The following CAB39L variants were observed in gnomAD, a reference collection of about 807,000 sequenced individuals.
CAB39L encodes the protein calcium-binding protein 39-like.
A neutral mutation model predicts 39.1 loss-of-function variants in CAB39L; 23 were observed. The observed-to-expected ratio is 0.59, with a 90% CI of 0.42 to 0.83. The LOEUF is 0.83. Ranked by LOEUF, CAB39L falls within the 40% of genes least tolerant of loss-of-function variation. The pLI, the probability that CAB39L is intolerant of heterozygous loss-of-function variation, is 0.00. For synonymous variants in CAB39L, 126 were observed against 137.2 expected (o/e 0.92, Z 0.57); for missense variants, 366 against 391.9 (o/e 0.93, Z 0.56).
chr13:49,430,455 G>A (rs1957304278), intron 3 of CAB39L, among the ~76,000 whole-genome samples: 1 of 152,180 alleles, frequency 6.6e-6, no homozygotes, highest in Non-Finnish European at 1.5e-5. Context: ...GAAGACAAAT[G>A]GGTCATTCAG....
At chr13:49,434,950 C>T (rs1401691938) in intron 1 of CAB39L, among the ~76,000 whole-genome samples, 1 of 152,102 alleles carries the variant, frequency 6.6e-6, no homozygotes. Context: ...TTTAATCCCA[C>T]TTTTGAATAT....
intron 7 of CAB39L, among the ~76,000 whole-genome samples, chr13:49,345,323 AT>A (rs993891667): frequency 6.6e-6 from 1 of 152,222 alleles, no homozygotes; most frequent in African/African-American, 2.4e-5. Flanking sequence ...TATTTAAAGC[AT>A]TGTGTACTAT....
In CAB39L at chr13:49,427,632, T is replaced by C. The variant is rs1274831075; in HGVS notation, c.-32+5686A>G. Among the ~76,000 whole-genome samples the C allele has an allele frequency of 4.6e-5, 7 of 152,122 alleles. 1 individual carries two copies. In the South Asian group the frequency reaches 1.2e-3, roughly 27 times the overall value. The stretch of plus-strand genomic sequence containing the variant: ...TTAGCCCAGGAGGTCAAGTCTGCAG[T>C]GAGCTGTGATAGCATCACTGCACTC... On this transcript the variant is annotated intron_variant, in intron 3 of 10. Transcript: ENST00000409308.
chr13:49,411,185 G>T (rs1306865757), intron 3 of CAB39L, among the ~76,000 whole-genome samples: 1 of 152,022 alleles, frequency 6.6e-6, no homozygotes, highest in Non-Finnish European at 1.5e-5. Context: ...GAGGCTGGTG[G>T]ATTGCTTGAG....
At chr13:49,411,024 T>C (rs1353857843) in intron 3 of CAB39L, among the ~76,000 whole-genome samples, 3 of 152,230 alleles carry the variant, frequency 2.0e-5, no homozygotes, top group African/African-American at 7.2e-5. Flanking sequence ...CTGTTCTAGC[T>C]GTACTCATTC....
chr13:49,352,703 T>C lies in CAB39L; in HGVS notation c.396-1791A>G, dbSNP rs958491291. On this transcript the variant is annotated intron_variant, in intron 6 of 10. Coordinates refer to ENST00000409308, the MANE Select transcript of CAB39L (RefSeq NM_001079670.3). Reference sequence around the variant, plus strand: ...CTACTCAGGAGGCTGAGGTGGGAGATTGCTTGACCCTGGAAAGTTAAGCGA... The same window carrying C: ...CTACTCAGGAGGCTGAGGTGGGAGACTGCTTGACCCTGGAAAGTTAAGCGA... Among the ~76,000 whole-genome samples, 6 of 152,034 alleles carry C rather than the reference T, an allele frequency of 3.9e-5. No individual in the cohort carries two copies. The South Asian group carries it at 6.2e-4, about 16-fold the overall frequency.
At chr13:49,363,458 C>T (rs1344490703) in intron 5 of CAB39L, among the ~76,000 whole-genome samples, 6 of 151,740 alleles carry the variant, frequency 4.0e-5, no homozygotes, top group South Asian at 2.1e-4. Context: ...AGATGGTATA[C>T]GCATGCCTCA....
chr13:49,436,300 T>C (rs1957412245), intron 1 of CAB39L, among the ~76,000 whole-genome samples: 1 of 152,250 alleles, frequency 6.6e-6, no homozygotes, highest in Non-Finnish European at 1.5e-5. Context: ...AACATGTAGA[T>C]TGGAGTCATC....
intron 3 of CAB39L, among the ~76,000 whole-genome samples, chr13:49,429,422 C>A (rs1021587476): frequency 2.0e-5 from 3 of 152,184 alleles, no homozygotes; most frequent in Admixed American, 6.5e-5. Flanking sequence ...AACACTAATA[C>A]TACAGTAATT....
intron 5 of CAB39L, among the ~76,000 whole-genome samples, chr13:49,373,780 G>C (rs1258781731): frequency 6.6e-6 from 1 of 150,476 alleles, no homozygotes; most frequent in African/African-American, 2.5e-5. Context: ...GGCTGTCCCA[G>C]TGCAAGCCAT....
intron 5 of CAB39L, among the ~76,000 whole-genome samples, chr13:49,370,471 C>G (rs1039918558): frequency 6.6e-6 from 1 of 152,162 alleles, no homozygotes; most frequent in South Asian, 2.1e-4. Flanking sequence ...CACTGGGGTT[C>G]TGTCTCAGTT....
chr13:49,330,111 T>A lies in CAB39L; in HGVS notation c.834+1836A>T, dbSNP rs1482221489. Among the ~76,000 whole-genome samples the A allele has an allele frequency of 4.6e-5, 7 of 152,308 alleles. No homozygotes were observed. In the South Asian group the frequency reaches 1.5e-3, roughly 32 times the overall value. On this transcript the variant is annotated intron_variant, in intron 10 of 10. Transcript: ENST00000409308. ...AGACGATGCCAGCCTGCTTTCCACCTGGACTGGGACCCAAGACAGCTACCA... is the reference window on the plus strand; with the variant it reads ...AGACGATGCCAGCCTGCTTTCCACCAGGACTGGGACCCAAGACAGCTACCA...
chr13:49,431,817 T>C (rs1957330216), intron 3 of CAB39L, among the ~76,000 whole-genome samples: 1 of 152,146 alleles, frequency 6.6e-6, no homozygotes, highest in Admixed American at 6.5e-5. Flanking sequence ...TATGTCCATA[T>C]AAAAACTTAT....
chr13:49,425,744 T>C (rs546973584), intron 3 of CAB39L, among the ~76,000 whole-genome samples: 1 of 152,282 alleles, frequency 6.6e-6, no homozygotes, highest in Admixed American at 6.5e-5. Context: ...GCAAAGTACA[T>C]AGAATCAGGT....
chr13:49,339,555 T>C, intron 9 of CAB39L, 122 bp downstream of exon 9: 1 of 1,080,198 alleles, frequency 9.3e-7, no homozygotes, highest in Non-Finnish European at 1.2e-6. Flanking sequence ...TAAATACTTC[T>C]CAAGTTATTT....
chr13:49,323,917 T>C (rs1173248740), intron 10 of CAB39L, among the ~76,000 whole-genome samples: 1 of 152,148 alleles, frequency 6.6e-6, no homozygotes, highest in African/African-American at 2.4e-5. Context: ...GTGCTATACT[T>C]TGGCCATCTC....
intron 1 of CAB39L, among the ~76,000 whole-genome samples, chr13:49,435,110 T>C (rs1193411214): frequency 4.6e-5 from 7 of 152,250 alleles, no homozygotes; most frequent in Non-Finnish European, 1.0e-4. Context: ...CCACTTCCTA[T>C]TGTATTCTAC....
rs145363600 is a variant in CAB39L, at chr13:49,320,338, G to T, written c.835-9345C>A. ...AAACTACCCAGGACTTCTCCTTTTA[G>T]AATGCCGCCTTATTGCCTGTATCCC... On this transcript the variant is annotated intron_variant, in intron 10 of 10. Transcript: ENST00000409308. 9.7e-4 allele frequency among the ~76,000 whole-genome samples: 147 copies of T among 152,260 alleles called. 2 individuals carry two copies. The East Asian group carries it at 0.025, about 26-fold the overall frequency.
chr13:49,353,154 T>C (rs1247573320), intron 6 of CAB39L, among the ~76,000 whole-genome samples: 1 of 152,252 alleles, frequency 6.6e-6, no homozygotes, highest in African/African-American at 2.4e-5. Context: ...CAGATAGTCA[T>C]GATTCTTTGT....
Sources: allele counts gnomAD v4.1 joint callset (sites outside exome capture counted in the v4.1 genomes callset), GRCh38; gene constraint gnomAD v4.1.1; transcripts MANE v1.5; gene names NCBI Gene and HGNC (gene_info 2026-07-23, HGNC 2026-07-21).